The following NSD2 variants were observed in gnomAD, a reference collection of about 807,000 sequenced individuals.
NSD2 encodes the protein histone-lysine N-methyltransferase NSD2.
In NSD2, 12 loss-of-function variants were observed where a neutral mutation model predicts 139.0. The ratio of observed to expected loss-of-function variants is 0.09; its 90% CI spans 0.06 to 0.14. NSD2 has a LOEUF of 0.14. NSD2 is among the 10% of genes least tolerant of loss of function. The pLI is 1.00. For synonymous variants in NSD2, 669 were observed against 648.7 expected (o/e 1.03, Z -0.48); for missense variants, 1,155 against 1,745.0 (o/e 0.66, Z 6.02).
chr4:1,981,642 G>A lies in NSD2; in HGVS notation c.*2733G>A. On this transcript the variant is annotated 3_prime_UTR_variant, in exon 22 of 22. Coordinates refer to ENST00000508803, the MANE Select transcript of NSD2 (RefSeq NM_001042424.3). ...GAACCCAGCTGTCCGTCCTCAGGCC[G>A]GCCTTTCTTCCGGCGACACCCGTCC... 2 of 386,756 alleles carry A rather than the reference G, an allele frequency of 5.2e-6. No individual in the cohort carries two copies. The highest frequency in any genetic ancestry group is 3.6e-5 in the East Asian group (1 of 27,434). 24.0% of individuals were successfully genotyped at this position (386,756 alleles called of 1,614,324 possible).
At chr4:1,879,177 A>C (rs941064574) in intron 1 of NSD2, among the ~76,000 whole-genome samples, 1 of 152,040 alleles carries the variant, frequency 6.6e-6, no homozygotes, top group Admixed American at 6.6e-5. Context: ...CTATGTGTAT[A>C]TATGTAAATA....
chr4:1,916,929 A>G lies in NSD2; in HGVS notation c.819A>G (p.Arg273=), dbSNP rs764157294. 1 of 1,614,170 alleles carries G rather than the reference A, an allele frequency of 6.2e-7. No homozygotes were observed. The highest frequency in any genetic ancestry group is 8.5e-7 in the Non-Finnish European group (1 of 1,180,024). ...AGTTCTTTGGTGACGCCCCAGAAAG[A>G]GCTTGGATATTTGAGAAGAGCCTCG... ...HVQFFGDAPE[R]AWIFEKSLVA... Residue 273 remains arginine, a synonymous_variant, in exon 4 of 22, where the codon AGA becomes AGG. Transcript: ENST00000508803.
chr4:1,944,704 C>CAGAA (rs1723441589), intron 9 of NSD2: 1 of 1,064,630 alleles, frequency 9.4e-7, no homozygotes, highest in Non-Finnish European at 1.1e-6. Flanking sequence ...AATTGTTTTT[C>CAGAA]TAAGACTGAT....
chr4:1,889,706 T>C (rs955692939), intron 1 of NSD2, among the ~76,000 whole-genome samples: 17 of 151,772 alleles, frequency 1.1e-4, no homozygotes, highest in Non-Finnish European at 2.4e-4. Flanking sequence ...ATCATGTTGG[T>C]CAGGCTGGTC....
chr4:1,922,060 A>G (rs1219657214), intron 5 of NSD2, among the ~76,000 whole-genome samples: 2 of 152,176 alleles, frequency 1.3e-5, no homozygotes, highest in African/African-American at 4.8e-5. Context: ...AGGCAAGAGA[A>G]TTGCTGGAAC....
chr4:1,926,258 G>A (rs1201384856), intron 5 of NSD2, among the ~76,000 whole-genome samples: 2 of 149,704 alleles, frequency 1.3e-5, no homozygotes, highest in African/African-American at 4.9e-5. Context: ...AGGTTCAAAC[G>A]ATTCTCCTGA....
Position 1,978,806 on chromosome 4 carries a change from C to T in NSD2, c.3995C>T (p.Ser1332Leu), listed in dbSNP as rs561070783. 4 of 1,611,936 alleles carry T rather than the reference C, an allele frequency of 2.5e-6. No homozygotes were observed. The highest frequency in any genetic ancestry group is 3.4e-6 in the Non-Finnish European group (4 of 1,178,476). Residue 1332 changes from serine (S) to leucine (L), a missense_variant, in exon 22 of 22, where the codon TCG (serine) becomes TTG (leucine). Around this residue, in one of 8 missense-constraint regions of NSD2, gnomAD observed 132 missense variants for 94.3 expected, o/e 1.40. Transcript: ENST00000508803. ...YCCEHDLGAA[S>L]VRSTKTEKPP... The stretch of plus-strand genomic sequence containing the variant: ...TGTGAGCATGACTTAGGGGCGGCAT[C>T]GGTCAGAAGCACCAAGACTGAGAAG...
chr4:1,929,124 G>C (rs1188900671), intron 5 of NSD2, among the ~76,000 whole-genome samples: 1 of 152,020 alleles, frequency 6.6e-6, no homozygotes, highest in Non-Finnish European at 1.5e-5. Flanking sequence ...GTGGTGGGTG[G>C]GCATTGGTGG....
At position 1,948,220 on chromosome 4, in the gene NSD2, C is replaced by CGG; in HGVS notation, c.1882-2850_1882-2849dup. 1.9e-6 allele frequency: 2 copies of CGG among 1,064,048 alleles called. No homozygotes were observed. Among genetic ancestry groups the CGG allele is most frequent in the Non-Finnish European group, 2.3e-6 (2 of 878,216 alleles). The allele number at this position is 1,064,048 out of a possible 1,614,324, so 65.9% of individuals were successfully genotyped here. On this transcript the variant is annotated intron_variant, in intron 9 of 21. Coordinates refer to ENST00000508803, the MANE Select transcript of NSD2 (RefSeq NM_001042424.3). This position sits in a 1 kb window ranked among gnomAD's most constrained non-coding sequence, Gnocchi z 4.5. ...TGCCGCAGCATGGCTGTGGTGGACG[C>CGG]GGGAAACAACGGGAAAGTTCTTGAC...
chr4:1,943,868 A>C, intron 9 of NSD2: 1 of 1,063,430 alleles, frequency 9.4e-7, no homozygotes, highest in Non-Finnish European at 1.1e-6. Context: ...TTGAAATTAC[A>C]GCATGATGAA....
intron 21 of NSD2, among the ~76,000 whole-genome samples, chr4:1,977,373 C>T (rs1242498093): frequency 1.3e-5 from 2 of 152,234 alleles, no homozygotes; most frequent in Non-Finnish European, 2.9e-5. Context: ...TCATGGCTCA[C>T]ACCTAAGGGT....
At chr4:1,949,432 C>T (rs1723977485) in intron 9 of NSD2, among the ~76,000 whole-genome samples, 1 of 152,210 alleles carries the variant, frequency 6.6e-6, no homozygotes, top group Non-Finnish European at 1.5e-5. Context: ...TGTCACCACC[C>T]ACAGTCACCA....
chr4:1,965,550 C>T (rs544493861), intron 18 of NSD2, among the ~76,000 whole-genome samples: 5 of 152,178 alleles, frequency 3.3e-5, no homozygotes, highest in African/African-American at 4.8e-5. Context: ...ATCAAACTTT[C>T]GAAAACCAGA....
intron 3 of NSD2, 74 bp from the exon 4 acceptor site, chr4:1,916,797 A>G: frequency 1.4e-6 from 2 of 1,474,180 alleles, no homozygotes; most frequent in Non-Finnish European, 9.2e-7. Flanking sequence ...AACAACTGCA[A>G]AATAGCAGTA....
intron 16 of NSD2, 51 bp from the exon 17 acceptor site, chr4:1,959,420 A>G (rs539007810): frequency 1.3e-6 from 2 of 1,585,732 alleles, no homozygotes; most frequent in African/African-American, 1.3e-5. Context: ...GTGCAAGGGT[A>G]TTCGGAAGGC....
chr4:1,944,937 G>C (rs1418379874), intron 9 of NSD2: 1 of 1,063,552 alleles, frequency 9.4e-7, no homozygotes, highest in Non-Finnish European at 1.1e-6. Context: ...GTGTTTTTAA[G>C]AGAATGTTTC....
In NSD2 at chr4:1,900,480, T is replaced by C. The variant is rs1231720796; in HGVS notation, c.-29-146T>C. 6 of 500,570 alleles carry C rather than the reference T, an allele frequency of 1.2e-5. No homozygotes were observed. The East Asian group carries it at 1.6e-4, about 14-fold the overall frequency. The allele number at this position is 500,570 out of a possible 1,614,324, so 31.0% of individuals were successfully genotyped here. On this transcript the variant is annotated intron_variant, in intron 1 of 21. Transcript: ENST00000508803. ...AATTTTTGTGATACTAAAACTGCCT[T>C]CTGTGACCTGAATTATTATAAAAAC...
rs577369569 is a variant in NSD2, at chr4:1,900,252, A to G, written c.-29-374A>G. Among the ~76,000 whole-genome samples, 4 of 152,248 alleles carry G rather than the reference A, an allele frequency of 2.6e-5. No individual in the cohort carries two copies. The East Asian group carries it at 5.8e-4, about 22-fold the overall frequency. ...TGGCATTATGCCAGCTGCCTCACAC[A>G]TATTAGCTCTTTTAAGTATATGTTG... On this transcript the variant is annotated intron_variant, in intron 1 of 21. Transcript: ENST00000508803.
At chr4:1,941,163 A>T (rs1179079899) in intron 9 of NSD2, 10 of 1,053,542 alleles carry the variant, frequency 9.5e-6, no homozygotes, top group Non-Finnish European at 1.1e-5. Context: ...GTCCAAGTTC[A>T]GGTTAAAATC....
Sources: allele counts gnomAD v4.1 joint callset (sites outside exome capture counted in the v4.1 genomes callset), GRCh38; gene constraint gnomAD v4.1.1; regional missense constraint gnomAD v4.1.1; non-coding constraint Gnocchi (gnomAD v3.1); transcripts MANE v1.5; gene names NCBI Gene and HGNC (gene_info 2026-07-23, HGNC 2026-07-21).